The following DENND2D variants were observed in gnomAD, a reference collection of about 807,000 sequenced individuals.
DENND2D encodes DENN domain containing 2D, also known as DENN domain-containing protein 2D.
Under a neutral mutation model 59.8 loss-of-function variants are expected in DENND2D, and 37 were observed. That is an observed-to-expected ratio of 0.62 (90% CI 0.48 to 0.81). DENND2D has a LOEUF of 0.81. DENND2D is among the 40% of genes least tolerant of loss of function. The pLI, the probability that DENND2D is intolerant of heterozygous loss-of-function variation, is 0.00. For synonymous variants in DENND2D, 219 were observed against 211.3 expected (o/e 1.04, Z -0.31); for missense variants, 525 against 579.7 (o/e 0.91, Z 0.97).
At chr1:111,204,405 C>T, upstream of DENND2D, 1 of 1,345,348 alleles carries the variant, frequency 7.4e-7, no homozygotes, top group Non-Finnish European at 9.5e-7. Flanking sequence ...GCCCCGCCCC[C>T]CTATCCTTGA....
At chr1:111,198,885 C>T in intron 2 of DENND2D, 143 bp from the exon 3 acceptor site, 2 of 771,250 alleles carry the variant, frequency 2.6e-6, no homozygotes, top group Non-Finnish European at 4.2e-6. Context: ...CGAAGGGTGC[C>T]TTTGCCCATG....
intron 8 of DENND2D, 52 bp downstream of exon 8, chr1:111,192,088 G>T: frequency 6.8e-7 from 1 of 1,466,356 alleles, no homozygotes; most frequent in Non-Finnish European, 9.2e-7. Context: ...GCTGGGATCT[G>T]AATCCCACTC....
upstream of DENND2D, among the ~76,000 whole-genome samples, chr1:111,202,806 T>C (rs1571207577): frequency 6.6e-6 from 1 of 151,752 alleles, no homozygotes; most frequent in Non-Finnish European, 1.5e-5. Context: ...TGGAGGATGG[T>C]ATGGAAGATG....
In DENND2D at chr1:111,200,105, C is replaced by G. The variant is rs1187310208; in HGVS notation, c.67+288G>C. On this transcript the variant is annotated intron_variant, in intron 1 of 11. Transcript: ENST00000357640. ...CCAGGGTACCACAGAGACTGCCTAA[C>G]CTGTCGGGTGCTTCTGGCAGTCCTG... 3 of 559,514 alleles carry G rather than the reference C, an allele frequency of 5.4e-6. No individual in the cohort carries two copies. In the Admixed American group the frequency reaches 9.3e-5, roughly 17 times the overall value. The allele number at this position is 559,514 out of a possible 1,614,324, so 34.7% of individuals were successfully genotyped here. A position where few individuals can be genotyped will look rare whatever the true frequency, so the allele number is the denominator to read the frequency against.
At chr1:111,196,434 G>A in intron 5 of DENND2D, 1 of 171,204 alleles carries the variant, frequency 5.8e-6, no homozygotes, top group Admixed American at 5.5e-5. Flanking sequence ...GAGGCTAGAA[G>A]GCTAAGCCTC....
chr1:111,198,008 G>A lies in DENND2D; in HGVS notation c.357-19C>T. 6.2e-7 allele frequency: 1 copy of A among 1,612,124 alleles called. No individual in the cohort carries two copies. Among genetic ancestry groups the A allele is most frequent in the Non-Finnish European group, 8.5e-7 (1 of 1,178,664 alleles). On this transcript the variant is annotated intron_variant, in intron 3 of 11. Transcript: ENST00000357640. ...GGTCTCCCTAAGAAAGAGCAGACAA[G>A]GCTTGATTTGTATTGCTCACTGAAT... is the stretch of plus-strand genomic sequence containing the variant.
chr1:111,196,142 T>C, intron 5 of DENND2D, 86 bp from the exon 6 acceptor site: 1 of 1,489,472 alleles, frequency 6.7e-7, no homozygotes, highest in Middle Eastern at 1.8e-4. Context: ...CTGAGCGTCA[T>C]AATGTTCTCA....
At chr1:111,197,274 T>A in intron 4 of DENND2D, 21 bp from the exon 5 acceptor site, 1 of 1,604,930 alleles carries the variant, frequency 6.2e-7, no homozygotes, top group Non-Finnish European at 8.5e-7. Flanking sequence ...ACAGAGAGGC[T>A]CCTTCAGTGC....
At chr1:111,200,274 G>A in intron 1 of DENND2D, 119 bp downstream of exon 1, 1 of 1,390,842 alleles carries the variant, frequency 7.2e-7, no homozygotes, top group Non-Finnish European at 9.9e-7. Context: ...CCAGTCACAT[G>A]GGGAACCATG....
At chr1:111,193,127 C>A (rs914061440) in intron 7 of DENND2D, among the ~76,000 whole-genome samples, 16 of 152,210 alleles carry the variant, frequency 1.1e-4, no homozygotes, top group African/African-American at 3.6e-4. Flanking sequence ...CTCTTCTTTA[C>A]TCCAGCCAAA....
chr1:111,202,110 C>T (rs1360410305), upstream of DENND2D, among the ~76,000 whole-genome samples: 1 of 152,148 alleles, frequency 6.6e-6, no homozygotes, highest in East Asian at 1.9e-4. Context: ...ACATCAAATA[C>T]CCCACAGAGG....
chr1:111,193,457 G>C (rs1163922501), intron 7 of DENND2D, among the ~76,000 whole-genome samples: 1 of 152,184 alleles, frequency 6.6e-6, no homozygotes, highest in Non-Finnish European at 1.5e-5. Flanking sequence ...ATTCAAGGCT[G>C]GGAGTGAAAG....
chr1:111,187,210 A>C lies in DENND2D; in HGVS notation c.*395T>G, dbSNP rs183097042. 1 of 174,190 alleles carries C rather than the reference A, an allele frequency of 5.7e-6. No individual in the cohort carries two copies. Among genetic ancestry groups the C allele is most frequent in the East Asian group, 1.5e-4 (1 of 6,654 alleles). The allele number at this position is 174,190 out of a possible 1,614,324, so 10.8% of individuals were successfully genotyped here. On this transcript the variant is annotated 3_prime_UTR_variant, in exon 12 of 12. Transcript: ENST00000357640. ...TTTTCCTCTTTACTCTCGTCCTTACATGTCCACAGACTTCATGTAGAGAGG... is the reference window on the plus strand; with the variant it reads ...TTTTCCTCTTTACTCTCGTCCTTACCTGTCCACAGACTTCATGTAGAGAGG...
intron 11 of DENND2D, 95 bp downstream of exon 11, chr1:111,188,036 G>C: frequency 6.7e-7 from 1 of 1,503,352 alleles, no homozygotes; most frequent in Middle Eastern, 2.0e-4. Flanking sequence ...CAGCTATTTT[G>C]TGGGTTTCTA....
At chr1:111,200,357 C>T in intron 1 of DENND2D, 36 bp downstream of exon 1, 1 of 1,601,916 alleles carries the variant, frequency 6.2e-7, no homozygotes, top group East Asian at 2.3e-5. Context: ...AAGAGGGTCA[C>T]CCTAAAAACA....
At chr1:111,202,035 G>C (rs1170314566), upstream of DENND2D, among the ~76,000 whole-genome samples, 1 of 152,198 alleles carries the variant, frequency 6.6e-6, no homozygotes, top group Non-Finnish European at 1.5e-5. Flanking sequence ...AAAATTGACA[G>C]GATTTGTTGG....
chr1:111,199,998 A>G, intron 1 of DENND2D, 200 bp from the exon 2 acceptor site: 1 of 658,188 alleles, frequency 1.5e-6, no homozygotes, highest in Non-Finnish European at 2.5e-6. Flanking sequence ...ACTTGAAACC[A>G]TGGGGAGCCA....
chr1:111,197,378 A>G, intron 4 of DENND2D, 125 bp from the exon 5 acceptor site: 1 of 1,490,388 alleles, frequency 6.7e-7, no homozygotes, highest in Middle Eastern at 2.3e-4. Context: ...TGGGTGCAGC[A>G]GGGAGGTCAG....
At position 111,197,203 on chromosome 1, in the gene DENND2D, G is replaced by A. The variant is rs558965483; in HGVS notation, c.477C>T (p.Cys159=). ...RLPKVYCIIS[C]IGCFGLFSKI... Reference sequence around the variant, plus strand: ...TGGAGAACAAGCCGAAGCAGCCGATGCAGCTGATGATGCAGTACACTTTGG... The same window carrying A: ...TGGAGAACAAGCCGAAGCAGCCGATACAGCTGATGATGCAGTACACTTTGG... Residue 159 remains cysteine, a synonymous_variant, in exon 5 of 12, where the codon TGC becomes TGT. Transcript: ENST00000357640. The A allele has an allele frequency of 1.9e-6, 3 of 1,613,976 alleles. No individual in the cohort carries two copies. In the East Asian group the frequency reaches 6.7e-5, roughly 36 times the overall value.
Sources: gnomAD v4.1 joint callset for allele counts (sites outside exome capture counted in the v4.1 genomes callset) on GRCh38, gnomAD v4.1.1 for gene constraint, MANE v1.5 for transcripts, NCBI Gene and HGNC (gene_info 2026-07-23, HGNC 2026-07-21) for gene names.